Variants in STK3 observed in about 807,000 individuals in gnomAD.
STK3 encodes serine/threonine kinase 3.
STK3 carries 41 observed loss-of-function variants against 58.0 expected under a neutral mutation model. The observed-to-expected ratio is 0.71, with a 90% CI of 0.55 to 0.92. STK3 has a LOEUF of 0.92. STK3 is among the 40% of genes least tolerant of loss of function. The pLI is 0.00. For synonymous variants in STK3, 170 were observed against 191.0 expected (o/e 0.89, Z 0.91); for missense variants, 479 against 602.7 (o/e 0.79, Z 2.15).
intron 6 of STK3, among the ~76,000 whole-genome samples, chr8:98,647,642 G>T (rs1820500860): frequency 6.6e-6 from 1 of 152,112 alleles, no homozygotes; most frequent in South Asian, 2.1e-4. Context: ...GCCTCTCAGG[G>T]TCCACAGGCA....
intron 3 of STK3, among the ~76,000 whole-genome samples, chr8:98,841,068 T>C (rs1264176943): frequency 6.6e-6 from 1 of 152,190 alleles, no homozygotes; most frequent in Non-Finnish European, 1.5e-5. Flanking sequence ...GCACTCAGCA[T>C]AGAGGCTGGC....
At chr8:98,904,847 G>C in intron 1 of STK3, 1 of 669,960 alleles carries the variant, frequency 1.5e-6, no homozygotes, top group Middle Eastern at 2.6e-4. Context: ...ATAGGTATCT[G>C]TCTTAGGGAT....
intron 9 of STK3, among the ~76,000 whole-genome samples, chr8:98,547,364 T>C (rs187414598): frequency 1.3e-5 from 2 of 152,286 alleles, no homozygotes; most frequent in Admixed American, 1.3e-4. Flanking sequence ...AGCATTCCTA[T>C]TGTCATCACT....
chr8:98,823,737 C>A (rs993606281), intron 1 of STK3, among the ~76,000 whole-genome samples: 2 of 152,098 alleles, frequency 1.3e-5, no homozygotes, highest in African/African-American at 4.8e-5. Context: ...CTCGCTCTGT[C>A]CCAAGTGCTT....
intron 2 of STK3, among the ~76,000 whole-genome samples, chr8:98,372,472 C>T (rs746010869): frequency 5.9e-5 from 9 of 152,200 alleles, no homozygotes; most frequent in Non-Finnish European, 1.2e-4. Context: ...CCAAACCCAG[C>T]TCTGCCCAGT....
chr8:98,492,220 T>A (rs1822752779), intron 10 of STK3, among the ~76,000 whole-genome samples: 1 of 152,176 alleles, frequency 6.6e-6, no homozygotes, highest in Non-Finnish European at 1.5e-5. Context: ...TAGCAGACAG[T>A]GTGGGAGTTG....
intron 10 of STK3, among the ~76,000 whole-genome samples, chr8:98,470,828 T>G (rs1820862424): frequency 6.6e-6 from 1 of 152,148 alleles, no homozygotes; most frequent in Admixed American, 6.5e-5. Flanking sequence ...GAGGTGTGGG[T>G]TTTTAATCTT....
intron 3 of STK3, chr8:98,429,962 G>C (rs1818305379): frequency 6.0e-6 from 1 of 167,560 alleles, no homozygotes; most frequent in Admixed American, 6.5e-5. Context: ...AAGTTAAGCA[G>C]ACTTGACCAA....
At chr8:98,925,526 C>T (rs1401125643) in intron 1 of STK3, among the ~76,000 whole-genome samples, 2 of 152,186 alleles carry the variant, frequency 1.3e-5, no homozygotes, top group African/African-American at 4.8e-5. Flanking sequence ...ATAGAGATGC[C>T]AAATCCTTAG....
At chr8:98,407,729 T>C (rs913151015) in intron 3 of STK3, among the ~76,000 whole-genome samples, 1 of 111,034 alleles carries the variant, frequency 9.0e-6, no homozygotes, top group Non-Finnish European at 2.0e-5. Flanking sequence ...TGTGTGTGTG[T>C]GTGTGTGTGT....
At chr8:98,683,744 T>G (rs1012920559) in intron 6 of STK3, among the ~76,000 whole-genome samples, 2 of 152,118 alleles carry the variant, frequency 1.3e-5, no homozygotes, top group East Asian at 1.9e-4. Flanking sequence ...AGTAGAAAGA[T>G]TACGGGAGGA....
intron 4 of STK3, among the ~76,000 whole-genome samples, chr8:98,743,894 A>C (rs528726911): frequency 6.6e-6 from 1 of 152,282 alleles, no homozygotes; most frequent in East Asian, 1.9e-4. Flanking sequence ...TACAAGAAAA[A>C]AACAACCCCA....
At chr8:98,729,467 G>A (rs750833442) in intron 4 of STK3, among the ~76,000 whole-genome samples, 5 of 152,150 alleles carry the variant, frequency 3.3e-5, no homozygotes, top group Non-Finnish European at 7.3e-5. Flanking sequence ...TGAGGTCTAT[G>A]TTATGGAATG....
intron 7 of STK3, chr8:98,595,211 A>AC (rs1372379559): frequency 6.6e-6 from 1 of 152,172 alleles, no homozygotes; most frequent in Non-Finnish European, 1.5e-5. Context: ...CACTTTCATA[A>AC]CAATAAACAT....
chr8:98,889,462 A>G (rs1003095777), intron 1 of STK3, among the ~76,000 whole-genome samples: 5 of 152,236 alleles, frequency 3.3e-5, no homozygotes, highest in African/African-American at 7.2e-5. Flanking sequence ...GCCTGGGGCT[A>G]TATTTTAAAC....
chr8:98,478,890 T>C (rs1209013787), intron 10 of STK3, among the ~76,000 whole-genome samples: 5 of 152,204 alleles, frequency 3.3e-5, no homozygotes. Flanking sequence ...TTATACACTA[T>C]ATTTACGAGC....
intron 3 of STK3, among the ~76,000 whole-genome samples, chr8:98,834,306 A>G (rs1425501133): frequency 6.6e-6 from 1 of 152,178 alleles, no homozygotes; most frequent in African/African-American, 2.4e-5. Context: ...GGCAACTTGA[A>G]TCTGTGCTCC....
At chr8:98,412,539 C>G (rs6999217) in intron 3 of STK3, among the ~76,000 whole-genome samples, 3,096 of 152,274 alleles carry the variant, frequency 0.02, 99 homozygotes, top group African/African-American at 0.071. Context: ...CTGTTGTGCT[C>G]CCGGGGAGGT....
chr8:98,442,855 T>C, intron 1 of STK3, among the ~76,000 whole-genome samples: 1 of 152,168 alleles, frequency 6.6e-6, no homozygotes, highest in East Asian at 1.9e-4. Flanking sequence ...TATAAAGCAC[T>C]TTTTAGTACT....
Sources: gnomAD v4.1 joint callset for allele counts (sites outside exome capture counted in the v4.1 genomes callset) on GRCh38, gnomAD v4.1.1 for gene constraint, MANE v1.5 for transcripts, NCBI Gene and HGNC (gene_info 2026-07-23, HGNC 2026-07-21) for gene names.